Variants in FOCAD observed in about 807,000 individuals in gnomAD.
FOCAD encodes the protein KIAA1797.
In FOCAD, 198 loss-of-function variants were observed where a neutral mutation model predicts 225.6. The observed-to-expected ratio is 0.88, with a 90% CI of 0.78 to 0.99. The LOEUF is 0.99. Among genes scored for constraint, FOCAD ranks in the 50% least tolerant of loss-of-function variants. FOCAD has a pLI of 0.00. For synonymous variants in FOCAD, 897 were observed against 755.0 expected (o/e 1.19, Z -3.08); for missense variants, 2,713 against 2,123.6 (o/e 1.28, Z -5.46).
intron 31 of FOCAD, 114 bp downstream of exon 31, chr9:20,948,507 C>A (rs1481038331): frequency 3.6e-6 from 4 of 1,120,098 alleles, no homozygotes; most frequent in African/African-American, 1.6e-5. Context: ...AAAGAATAGG[C>A]AATTTTAAAT....
chr9:20,900,637 C>G (rs1002611864), intron 21 of FOCAD, among the ~76,000 whole-genome samples: 1 of 151,874 alleles, frequency 6.6e-6, no homozygotes, highest in Admixed American at 6.6e-5. Flanking sequence ...ATTAGGTGAA[C>G]ATTGTGAATA....
chr9:20,675,611 C>A (rs577044328), intron 2 of FOCAD, among the ~76,000 whole-genome samples: 2 of 152,134 alleles, frequency 1.3e-5, no homozygotes, highest in Admixed American at 6.5e-5. Flanking sequence ...AGAGTTGAAA[C>A]CAAAGTAATT....
chr9:20,732,707 G>A (rs1826816852), intron 4 of FOCAD, among the ~76,000 whole-genome samples: 1 of 152,194 alleles, frequency 6.6e-6, no homozygotes, highest in East Asian at 1.9e-4. Context: ...GATACACAGA[G>A]ATTAGGTGGC....
chr9:20,912,612 A>G (rs187940526), intron 22 of FOCAD, among the ~76,000 whole-genome samples: 15 of 152,250 alleles, frequency 9.9e-5, no homozygotes, highest in African/African-American at 1.7e-4. Context: ...TTCAGTAGGT[A>G]TCTCAAAATT....
Position 20,885,129 on chromosome 9 carries a change from G to C in FOCAD, c.2524G>C (p.Asp842His). 6.7e-6 allele frequency: 10 copies of C among 1,495,468 alleles called. No homozygotes were observed. The highest frequency in any genetic ancestry group is 8.9e-6 in the Non-Finnish European group (10 of 1,120,390). The allele number at this position is 1,495,468 out of a possible 1,614,324, so 92.6% of individuals were successfully genotyped here. ...TAAAGGTGGTATGTTATTTTGCTAT[G>C]ATGTTTCCATGTATCAGAGTAAAGA... is the stretch of plus-strand genomic sequence containing the variant. ...GLAGGMLFCY[D>H]VSMYQSKDGK... The change falls in exon 21 of 44, where the codon GAT (aspartate) becomes CAT (histidine). Residue 842 changes from aspartate (D) to histidine (H), a missense_variant. Transcript: ENST00000338382.
intron 25 of FOCAD, among the ~76,000 whole-genome samples, chr9:20,924,796 C>T (rs948454969): frequency 6.6e-6 from 1 of 152,150 alleles, no homozygotes; most frequent in Non-Finnish European, 1.5e-5. Context: ...AGAACCAGGG[C>T]AAGTTGGGTA....
At chr9:20,859,930 G>A (rs1337442437) in intron 15 of FOCAD, among the ~76,000 whole-genome samples, 2 of 151,896 alleles carry the variant, frequency 1.3e-5, no homozygotes, top group Admixed American at 1.3e-4. Context: ...CAAGAATGAT[G>A]AATGATTATG....
chr9:20,714,260 GTT>G, intron 1 of FOCAD, among the ~76,000 whole-genome samples: 1 of 152,246 alleles, frequency 6.6e-6, no homozygotes, highest in East Asian at 1.9e-4. Flanking sequence ...TGCTCAAAAA[GTT>G]TCAGATTTTG....
intron 15 of FOCAD, among the ~76,000 whole-genome samples, chr9:20,856,191 C>T (rs181900409): frequency 2.6e-4 from 40 of 152,010 alleles, no homozygotes; most frequent in African/African-American, 9.1e-4. Flanking sequence ...TCCATAGTGG[C>T]TGTACTAATT....
intron 5 of FOCAD, among the ~76,000 whole-genome samples, chr9:20,740,685 G>GCT (rs2131665132): frequency 6.6e-6 from 1 of 152,210 alleles, no homozygotes; most frequent in African/African-American, 2.4e-5. Flanking sequence ...AAGCAGGGGG[G>GCT]GATTTAGGTT....
chr9:20,866,434 A>G (rs1469284116), intron 17 of FOCAD, among the ~76,000 whole-genome samples: 1 of 152,000 alleles, frequency 6.6e-6, no homozygotes, highest in African/African-American at 2.4e-5. Context: ...CCCTATTAAT[A>G]GGTGGAGAAT....
At chr9:20,861,420 A>G (rs974583680) in intron 15 of FOCAD, among the ~76,000 whole-genome samples, 1 of 152,314 alleles carries the variant, frequency 6.6e-6, no homozygotes, top group Non-Finnish European at 1.5e-5. Flanking sequence ...GCCTACTGTC[A>G]TGCCTGGTCT....
intron 39 of FOCAD, among the ~76,000 whole-genome samples, chr9:20,983,716 G>A (rs1053729158): frequency 1.6e-4 from 24 of 152,104 alleles, no homozygotes; most frequent in African/African-American, 4.8e-4. Flanking sequence ...TCTGCAATTT[G>A]CTAGCAATGC....
intron 2 of FOCAD, among the ~76,000 whole-genome samples, chr9:20,663,265 G>A (rs369713601): frequency 4.1e-4 from 62 of 152,176 alleles, no homozygotes; most frequent in African/African-American, 8.7e-4. Context: ...GGTGGCACAT[G>A]TCTGTATTCC....
chr9:20,938,630 A>C (rs938798871), intron 28 of FOCAD, among the ~76,000 whole-genome samples: 1 of 152,128 alleles, frequency 6.6e-6, no homozygotes, highest in African/African-American at 2.4e-5. Flanking sequence ...CCTAATGTTA[A>C]ATGACAAGTT....
intron 4 of FOCAD, 35 bp downstream of exon 4, chr9:20,720,569 T>G (rs1825696121): frequency 6.3e-7 from 1 of 1,596,094 alleles, no homozygotes; most frequent in African/African-American, 1.3e-5. Flanking sequence ...AGTTAATGAT[T>G]TAAGTTTTTA....
chr9:20,946,391 T>G (rs1033533798), intron 29 of FOCAD, among the ~76,000 whole-genome samples: 3 of 152,222 alleles, frequency 2.0e-5, no homozygotes, highest in Non-Finnish European at 4.4e-5. Context: ...TCTGGCATAA[T>G]GTGGTGAAGA....
intron 11 of FOCAD, among the ~76,000 whole-genome samples, chr9:20,804,710 T>G (rs373108311): frequency 1.3e-5 from 2 of 152,170 alleles, no homozygotes; most frequent in African/African-American, 4.8e-5. Context: ...ACAAGATCTA[T>G]TACCGTTATT....
chr9:20,988,341 A>C lies in FOCAD; in HGVS notation c.4916A>C (p.Lys1639Thr), dbSNP rs1841364258. The C allele has an allele frequency of 4.4e-6, 7 of 1,603,890 alleles. No individual in the cohort carries two copies. The African/African-American group carries it at 8.1e-5, about 18-fold the overall frequency. Reference sequence around the variant, plus strand: ...ACCCTTTTCATTTCAGGCGTTTTGAAGAGAATGGAGTGGCTCTTGGAACTG... The same window carrying C: ...ACCCTTTTCATTTCAGGCGTTTTGACGAGAATGGAGTGGCTCTTGGAACTG... ...IVSHANTGVLKRMEWLLELMG... is the reference protein window; with the variant it reads ...IVSHANTGVLTRMEWLLELMG... Residue 1639 changes from lysine to threonine, a missense_variant, in exon 41 of 44, where the codon AAG becomes ACG. By Grantham distance (78) the Lys-to-Thr change is moderately conservative (BLOSUM62 -1). Coordinates refer to ENST00000338382, the MANE Select transcript of FOCAD (RefSeq NM_001375567.1).
Sources: gnomAD v4.1 joint callset for allele counts (sites outside exome capture counted in the v4.1 genomes callset) on GRCh38, gnomAD v4.1.1 for gene constraint, MANE v1.5 for transcripts, NCBI Gene and HGNC (gene_info 2026-07-23, HGNC 2026-07-21) for gene names.